HUWE1: variants seen among roughly 807,000 people sequenced by gnomAD.
The protein encoded by HUWE1 is HECT, UBA and WWE domain containing E3 ubiquitin protein ligase 1, also known as E3 ubiquitin-protein ligase HUWE1.
A neutral mutation model predicts 299.4 loss-of-function variants in HUWE1; 18 were observed. The observed-to-expected ratio is 0.06, with a 90% CI of 0.04 to 0.09. The LOEUF (loss-of-function observed/expected upper bound fraction) is 0.09, where lower values mean the gene tolerates loss of function less well. HUWE1 is among the 10% of genes least tolerant of loss of function. The pLI is 1.00. For missense variants in HUWE1, 1,832 were observed against 3,462.3 expected, an observed-to-expected ratio of 0.53 and a Z score of 11.82; for synonymous variants, 1,317 against 1,286.1, an observed-to-expected ratio of 1.02 and a Z score of -0.51.
At chrX:53,566,083 G>A (rs782689576) in intron 49 of HUWE1, among the ~76,000 whole-genome samples, 1 of 98,850 alleles carries the variant, frequency 1.0e-5, no homozygotes, top group African/African-American at 3.7e-5. Context: ...GTGTATTTAT[G>A]TGTGAGTCTA....
Position 53,632,502 on chromosome X carries a change from G to A in HUWE1, c.630C>T (p.Val210=). 1 of 1,203,221 alleles carries A rather than the reference G, an allele frequency of 8.3e-7. No homozygotes were observed. The stretch of plus-strand genomic sequence containing the variant: ...TCAGACTCACCCTTTTCTCAATTTT[G>A]ACCTCGGCCCCAGGATCTGCATAGA... ...FEFYADPGAE[V]KIEKRTTSNT... is the part of the protein sequence containing the mutation. Residue 210 remains valine (V), a synonymous_variant, in exon 9 of 84, where the codon GTC becomes GTT. Coordinates refer to ENST00000262854, the MANE Select transcript of HUWE1 (RefSeq NM_031407.7).
At chrX:53,646,245 C>T (rs1252881806) in intron 6 of HUWE1, among the ~76,000 whole-genome samples, 1 of 110,314 alleles carries the variant, frequency 9.1e-6, no homozygotes, top group African/African-American at 3.3e-5. Flanking sequence ...GCAGCCTTGA[C>T]CTCCTGGGTT....
intron 29 of HUWE1, among the ~76,000 whole-genome samples, chrX:53,596,394 GT>G (rs2064472875): frequency 8.9e-6 from 1 of 111,866 alleles, no homozygotes; most frequent in Non-Finnish European, 1.9e-5. Context: ...GTAGATACTA[GT>G]CTATTTTATC....
intron 5 of HUWE1, 130 bp from the exon 6 acceptor site, chrX:53,647,704 A>G (rs1394272119): frequency 3.3e-5 from 18 of 552,611 alleles, no homozygotes; most frequent in Middle Eastern, 5.1e-4. Flanking sequence ...ACCCTTGCCC[A>G]TATGAGAAAG....
At chrX:53,588,816 T>A (rs1399669324) in intron 36 of HUWE1, among the ~76,000 whole-genome samples, 1 of 112,122 alleles carries the variant, frequency 8.9e-6, no homozygotes, top group Non-Finnish European at 1.9e-5. Flanking sequence ...GTGCATACAG[T>A]CAACCCCAAA....
chrX:53,599,674 A>G (rs1179143176), intron 29 of HUWE1, among the ~76,000 whole-genome samples: 5 of 112,425 alleles, frequency 4.4e-5, no homozygotes, highest in Non-Finnish European at 9.4e-5. Context: ...GAAGAGCCAG[A>G]TAGTTATCCG....
At chrX:53,556,356 A>T in intron 60 of HUWE1, 1 of 342,742 alleles carries the variant, frequency 2.9e-6, no homozygotes. Flanking sequence ...TAAGGGCAGC[A>T]GGCAAAAGGC....
intron 5 of HUWE1, 141 bp from the exon 6 acceptor site, chrX:53,647,715 A>C: frequency 1.9e-6 from 1 of 533,820 alleles, no homozygotes; most frequent in African/African-American, 2.2e-5. Flanking sequence ...TATGAGAAAG[A>C]TCATACTCTG....
chrX:53,655,660 A>T (rs942808071), intron 3 of HUWE1, among the ~76,000 whole-genome samples: 1 of 111,585 alleles, frequency 9.0e-6, no homozygotes, highest in Admixed American at 9.5e-5. Context: ...CTTACTCTCA[A>T]GGCTTTTTTC....
At position 53,625,206 on chromosome X, in the gene HUWE1, G is replaced by A. The variant is rs782084526; in HGVS notation, c.1542C>T (p.Phe514=). 1.7e-6 allele frequency: 2 copies of A among 1,206,776 alleles called. No individual in the cohort carries two copies. The highest frequency in any genetic ancestry group is 2.2e-6 in the Non-Finnish European group (2 of 890,936). The change falls in exon 18 of 84, where the codon TTC becomes TTT. Residue 514 remains phenylalanine (F), a synonymous_variant. Transcript: ENST00000262854. ...CAGGGTCTTGGATGGCCTTCTTGAG[G>A]AAATTCAACATGGATTTCAGAAGTG... is the stretch of plus-strand genomic sequence containing the variant. ...RAALLKSMLN[F]LKKAIQDPAF...
At chrX:53,574,677 T>C (rs782226704) in intron 46 of HUWE1, among the ~76,000 whole-genome samples, 4 of 112,129 alleles carry the variant, frequency 3.6e-5, no homozygotes, top group South Asian at 7.4e-4. Flanking sequence ...GTCTCCTAAA[T>C]TGGATCACAA....
At position 53,568,964 on chromosome X, in the gene HUWE1, T is replaced by C. The variant is rs901316624; in HGVS notation, c.6525-90A>G. On this transcript the variant is annotated intron_variant, in intron 48 of 83. Transcript: ENST00000262854. The stretch of plus-strand genomic sequence containing the variant: ...AAAATAGCCTCAGATAACCCTCCTG[T>C]AACTTTTGTATTTCCTTCTGGAAAT... 6.7e-6 allele frequency: 5 copies of C among 741,559 alleles called. No homozygotes were observed. The East Asian group carries it at 1.1e-4, about 16-fold the overall frequency. 61.1% of individuals were successfully genotyped at this position (741,559 alleles called of 1,213,427 possible).
chrX:53,636,541 T>C (rs782354324), intron 7 of HUWE1, among the ~76,000 whole-genome samples: 1 of 111,860 alleles, frequency 8.9e-6, no homozygotes, highest in East Asian at 2.8e-4. Context: ...TTGCCCAACA[T>C]GGTGAAACCC....
intron 6 of HUWE1, among the ~76,000 whole-genome samples, chrX:53,646,307 A>G (rs1285382356): frequency 1.8e-5 from 2 of 109,880 alleles, no homozygotes; most frequent in African/African-American, 6.6e-5. Flanking sequence ...ACAGGCACGC[A>G]CCACCACGCC....
At chrX:53,578,674 A>G (rs1312404622) in intron 43 of HUWE1, among the ~76,000 whole-genome samples, 1 of 64,217 alleles carries the variant, frequency 1.6e-5, no homozygotes, top group African/African-American at 6.4e-5. Context: ...TCCGGGAGGG[A>G]GGTGGGGGGA....
At chrX:53,645,736 A>AAAAT (rs2067967606) in intron 6 of HUWE1, among the ~76,000 whole-genome samples, 3 of 26,132 alleles carry the variant, frequency 1.1e-4, no homozygotes, top group African/African-American at 3.0e-4. Flanking sequence ...AAAAAAAAAA[A>AAAAT]ATATATATAT....
Position 53,628,478 on chromosome X carries a change from A to AC in HUWE1, c.1242+14_1242+15insG. ...CCCATGTAGTTTAAAAAAAAAAAAA[A>AC]AAAAAGTACAGCACCTTCAATAAGG... On this transcript the variant is annotated intron_variant, in intron 15 of 83. Coordinates refer to ENST00000262854, the MANE Select transcript of HUWE1 (RefSeq NM_031407.7). 2.6e-6 allele frequency: 3 copies of AC among 1,153,144 alleles called. No homozygotes were observed. Among genetic ancestry groups the AC allele is most frequent in the Non-Finnish European group, 3.5e-6 (3 of 868,472 alleles).
rs1288707560 is a variant in HUWE1 at position 53,680,157 on chromosome X, T to C, written c.-133A>G. On this transcript the variant is annotated 5_prime_UTR_variant, in exon 3 of 84. Coordinates refer to ENST00000262854, the MANE Select transcript of HUWE1 (RefSeq NM_031407.7). ...TGGCCTGCTGGTTTCTCTGGATCAC[T>C]AACCCACTCAGGTCAGGCTGCTGGA... 1 of 295,383 alleles carries C rather than the reference T, an allele frequency of 3.4e-6. No individual in the cohort carries two copies. Among genetic ancestry groups the C allele is most frequent in the African/African-American group, 2.8e-5 (1 of 36,235 alleles). The allele number at this position is 295,383 out of a possible 1,213,427, so 24.3% of individuals were successfully genotyped here. A position where few individuals can be genotyped will look rare whatever the true frequency, so the allele number is the denominator to read the frequency against.
In HUWE1 at chrX:53,647,409, T is replaced by C. The variant is rs1569509052; in HGVS notation, c.310A>G (p.Ile104Val). The C allele has an allele frequency of 4.1e-6, 5 of 1,210,949 alleles. No homozygotes were observed. The highest frequency in any genetic ancestry group is 4.5e-6 in the Non-Finnish European group (4 of 894,741). Residue 104 changes from isoleucine (I) to valine (V), a missense_variant, in exon 6 of 84, where the codon ATT (isoleucine) becomes GTT (valine). Coordinates refer to ENST00000262854, the MANE Select transcript of HUWE1 (RefSeq NM_031407.7). ...AGATGCCGGGAAAAGCTGTACTCAA[T>C]GAGCAAGGCTGTGAAGTTCAACACA... ...LAVLNFTALL[I>V]EYSFSRHLYS... is the part of the protein sequence containing the mutation.
Sources: allele counts gnomAD v4.1 joint callset (sites outside exome capture counted in the v4.1 genomes callset), GRCh38; gene constraint gnomAD v4.1.1; transcripts MANE v1.5; gene names NCBI Gene and HGNC (gene_info 2026-07-23, HGNC 2026-07-21).